The following AFF4 variants were observed in gnomAD, a reference collection of about 807,000 sequenced individuals.
AFF4 encodes ALF transcription elongation factor 4, also known as AF4/FMR2 family member 4.
A neutral mutation model predicts 124.8 loss-of-function variants in AFF4; 13 were observed. The ratio of observed to expected loss-of-function variants is 0.10; its 90% CI spans 0.07 to 0.17. The LOEUF is 0.17. Among genes scored for constraint, AFF4 ranks in the 10% least tolerant of loss-of-function variants. The pLI is 1.00. For missense variants in AFF4, 1,092 were observed against 1,403.8 expected (o/e 0.78, Z 3.55); for synonymous variants, 477 against 496.1 (o/e 0.96, Z 0.51).
At chr5:132,947,601 A>AT (rs1761731240) in intron 1 of AFF4, among the ~76,000 whole-genome samples, 1 of 152,186 alleles carries the variant, frequency 6.6e-6, no homozygotes, top group African/African-American at 2.4e-5. Flanking sequence ...TCAAAATGAG[A>AT]TTTGAGCTAA....
chr5:132,894,392 T>C (rs1176297854), intron 11 of AFF4, among the ~76,000 whole-genome samples: 1 of 152,214 alleles, frequency 6.6e-6, no homozygotes, highest in Non-Finnish European at 1.5e-5. Context: ...AACTTTCTGA[T>C]GGAAAACACA....
chr5:132,902,346 C>T, intron 7 of AFF4, 96 bp downstream of exon 7: 1 of 1,053,084 alleles, frequency 9.5e-7, no homozygotes, highest in Non-Finnish European at 1.4e-6. Context: ...CCCTGCCCAG[C>T]CTCAATATTT....
chr5:132,958,989 G>T (rs1581343195), intron 1 of AFF4, among the ~76,000 whole-genome samples: 1 of 152,268 alleles, frequency 6.6e-6, no homozygotes, highest in East Asian at 1.9e-4. Flanking sequence ...AATGATTATT[G>T]AAGTAATTAG....
chr5:132,898,959 T>C, intron 9 of AFF4, 145 bp downstream of exon 9: 1 of 709,866 alleles, frequency 1.4e-6, no homozygotes, highest in South Asian at 2.3e-5. Flanking sequence ...CCACTTTAAG[T>C]GTATAATTCA....
chr5:132,942,751 T>C (rs1761603362), intron 1 of AFF4, among the ~76,000 whole-genome samples: 1 of 152,198 alleles, frequency 6.6e-6, no homozygotes, highest in African/African-American at 2.4e-5. Flanking sequence ...GCGTAAGCCA[T>C]TGCACCCGGC....
At chr5:132,922,106 A>G (rs1761061489) in intron 5 of AFF4, among the ~76,000 whole-genome samples, 1 of 152,242 alleles carries the variant, frequency 6.6e-6, no homozygotes, top group Admixed American at 6.5e-5. Flanking sequence ...CACCCCACTA[A>G]TAGGCATTTA....
chr5:132,961,453 G>A (rs948942244), intron 1 of AFF4, among the ~76,000 whole-genome samples: 1 of 152,024 alleles, frequency 6.6e-6, no homozygotes, highest in Non-Finnish European at 1.5e-5. Context: ...CTGACCTCAG[G>A]TGATCCGCCC....
intron 11 of AFF4, among the ~76,000 whole-genome samples, chr5:132,895,244 C>T (rs1221784908): frequency 1.3e-5 from 2 of 152,104 alleles, no homozygotes. Context: ...GAGTAGTAAG[C>T]TTTGGTTTTC....
chr5:132,899,272 T>C (rs1257548861), intron 8 of AFF4, 131 bp from the exon 9 acceptor site: 16 of 819,556 alleles, frequency 2.0e-5, no homozygotes, highest in South Asian at 7.8e-5. Flanking sequence ...TTAGCACTTA[T>C]ACTGTTTTTA....
intron 20 of AFF4, 90 bp downstream of exon 20, chr5:132,883,250 C>CTAAA: frequency 8.3e-7 from 1 of 1,209,538 alleles, no homozygotes; most frequent in South Asian, 1.4e-5. Flanking sequence ...AATAATAAAA[C>CTAAA]TAAATACAGA....
intron 4 of AFF4, among the ~76,000 whole-genome samples, chr5:132,931,809 T>C (rs1761306100): frequency 6.6e-6 from 1 of 152,180 alleles, no homozygotes; most frequent in Admixed American, 6.5e-5. Flanking sequence ...CCGGGCATGA[T>C]GGCGGGAGCC....
chr5:132,912,126 G>A (rs1487093958), intron 5 of AFF4, among the ~76,000 whole-genome samples: 4 of 150,024 alleles, frequency 2.7e-5, no homozygotes, highest in Admixed American at 6.7e-5. Flanking sequence ...GTGGAGGTTG[G>A]CGGATCACCT....
Position 132,897,233 on chromosome 5 carries a change from G to T in AFF4, c.1397C>A (p.Pro466His). 6.2e-7 allele frequency: 1 copy of T among 1,611,034 alleles called. No homozygotes were observed. The highest frequency in any genetic ancestry group is 8.5e-7 in the Non-Finnish European group (1 of 1,177,940). ...PSQSASPEPE[P>H]PPTNKWQLDN... ...AAGTTGCCATTTGTTTGTTGGCGGGGGTTCAGGCTGAAAAACAGAGAAATA... is the reference window on the plus strand; with the variant it reads ...AAGTTGCCATTTGTTTGTTGGCGGGTGTTCAGGCTGAAAAACAGAGAAATA... Residue 466 changes from proline to histidine, a missense_variant, in exon 11 of 21, where the codon CCC becomes CAC. By Grantham distance (77) the Pro-to-His change is moderately conservative (BLOSUM62 -2). Coordinates refer to ENST00000265343, the MANE Select transcript of AFF4 (RefSeq NM_014423.4).
rs1000673889 is a variant in AFF4 at position 132,879,042 on chromosome 5, G to A, written c.*2017C>T. ...GATCATTGAGAAGTTGTCCTCTTAT[G>A]GAAAACTGTTCCTAGAACACACTAA... is the stretch of plus-strand genomic sequence containing the variant. On this transcript the variant is annotated 3_prime_UTR_variant, in exon 21 of 21. Transcript: ENST00000265343. 1.8e-5 allele frequency: 4 copies of A among 222,134 alleles called. No individual in the cohort carries two copies. The highest frequency in any genetic ancestry group is 8.9e-5 in the African/African-American group (4 of 44,728). The allele number at this position is 222,134 out of a possible 1,614,324, so 13.8% of individuals were successfully genotyped here.
At chr5:132,913,672 C>A (rs1760844749) in intron 5 of AFF4, among the ~76,000 whole-genome samples, 1 of 152,162 alleles carries the variant, frequency 6.6e-6, no homozygotes, top group Admixed American at 6.5e-5. Flanking sequence ...AAACTTCTGG[C>A]CTCCAGGGAT....
At chr5:132,934,108 C>G in intron 3 of AFF4, 39 bp downstream of exon 3, 1 of 1,567,124 alleles carries the variant, frequency 6.4e-7, no homozygotes, top group Non-Finnish European at 8.7e-7. Flanking sequence ...AATTGCTTCA[C>G]GTAGTCACAA....
Position 132,934,864 on chromosome 5 carries a change from T to C in AFF4, c.201A>G (p.Gly67=), listed in dbSNP as rs1252405533. 1.2e-6 allele frequency: 2 copies of C among 1,614,076 alleles called. No homozygotes were observed. Among genetic ancestry groups the C allele is most frequent in the Admixed American group, 1.7e-5 (1 of 59,994 alleles). The change falls in exon 3 of 21, where the codon GGA becomes GGG. Residue 67 remains glycine, a synonymous_variant. Coordinates refer to ENST00000265343, the MANE Select transcript of AFF4 (RefSeq NM_014423.4). The part of the protein sequence containing the change: ...GNYDEMKDFI[G]DRSIPKLVAI... ...CAACAAGCTTTGGTATAGATCTGTC[T>C]CCTATGAAATCCTTCATTTCATCGT...
rs534106365 is a variant in AFF4 at position 132,945,092 on chromosome 5, T to C, written c.-4-7899A>G. 11 of 179,902 alleles carry C rather than the reference T, an allele frequency of 6.1e-5. No individual in the cohort carries two copies. The South Asian group carries it at 1.5e-3, about 25-fold the overall frequency. 11.1% of individuals were successfully genotyped at this position (179,902 alleles called of 1,614,324 possible). A position where few individuals can be genotyped will look rare whatever the true frequency, so the allele number is the denominator to read the frequency against. ...CTGCCACCCCAGTCTCAATCAATGG[T>C]AGAAGAACAGTCTCAGAATTGTTTG... On this transcript the variant is annotated intron_variant, in intron 1 of 20. Transcript: ENST00000265343.
chr5:132,899,017 A>T, intron 9 of AFF4, 87 bp downstream of exon 9: 1 of 1,170,464 alleles, frequency 8.5e-7, no homozygotes, highest in Non-Finnish European at 1.2e-6. Context: ...ATTAATATTT[A>T]CTTATAAGGC....
Sources: allele counts gnomAD v4.1 joint callset (sites outside exome capture counted in the v4.1 genomes callset), GRCh38; gene constraint gnomAD v4.1.1; transcripts MANE v1.5; gene names NCBI Gene and HGNC (gene_info 2026-07-23, HGNC 2026-07-21).